Variants in PTPRN2 observed in about 807,000 individuals in gnomAD.
The protein encoded by PTPRN2 is protein tyrosine phosphatase receptor type N2.
A neutral mutation model predicts 118.8 loss-of-function variants in PTPRN2; 74 were observed. The observed-to-expected ratio is 0.62, with a 90% CI of 0.52 to 0.76. The LOEUF is 0.76. PTPRN2 is among the 30% of genes least tolerant of loss of function. PTPRN2 has a pLI of 0.00. For synonymous variants in PTPRN2, 641 were observed against 608.0 expected, an observed-to-expected ratio of 1.05 and a Z score of -0.80; for missense variants, 1,481 against 1,394.4, an observed-to-expected ratio of 1.06 and a Z score of -0.99.
At chr7:158,293,120 C>T (rs761069727) in intron 3 of PTPRN2, among the ~76,000 whole-genome samples, 1 of 151,966 alleles carries the variant, frequency 6.6e-6, no homozygotes, top group Non-Finnish European at 1.5e-5. Flanking sequence ...ATGAATGGAG[C>T]CTGCAGGACT....
rs1210366215 is a variant in PTPRN2, at chr7:157,987,518, G to A, written c.1724-88781C>T. 6.6e-6 allele frequency among the ~76,000 whole-genome samples: 1 copy of A among 152,132 alleles called. No individual in the cohort carries two copies. The highest frequency in any genetic ancestry group is 1.5e-5 in the Non-Finnish European group (1 of 68,026). On this transcript the variant is annotated intron_variant, in intron 11 of 22. Coordinates refer to ENST00000389418, the MANE Select transcript of PTPRN2 (RefSeq NM_002847.5). This position sits in a 1 kb window ranked among gnomAD's most constrained non-coding sequence, Gnocchi z 4.3. Reference sequence around the variant, plus strand: ...CTGTCAGTCATTATCTCTTGCATAAGAGACTTCCCAGGGGCAGAGCAGACC... The same window carrying A: ...CTGTCAGTCATTATCTCTTGCATAAAAGACTTCCCAGGGGCAGAGCAGACC...
intron 6 of PTPRN2, among the ~76,000 whole-genome samples, chr7:158,149,861 G>T (rs1343756984): frequency 6.6e-6 from 1 of 150,880 alleles, no homozygotes. Flanking sequence ...AAAAATTACT[G>T]TGGAATTTTT....
Position 158,174,707 on chromosome 7 carries a change from G to C in PTPRN2, c.550-7416C>G, listed in dbSNP as rs567034308. 2.6e-5 allele frequency among the ~76,000 whole-genome samples: 4 copies of C among 152,326 alleles called. No individual in the cohort carries two copies. In the South Asian group the frequency reaches 8.3e-4, roughly 32 times the overall value. On this transcript the variant is annotated intron_variant, in intron 5 of 22. Transcript: ENST00000389418. ...TAGACATTAACAACCGTAATTGAAA[G>C]AATGCTATTAGAAAGGGTCAGAAAA...
chr7:157,724,345 T>G (rs2150921822), intron 12 of PTPRN2, among the ~76,000 whole-genome samples: 1 of 152,374 alleles, frequency 6.6e-6, no homozygotes, highest in South Asian at 2.1e-4. Context: ...AACATAAAAC[T>G]TCTATAATCA....
At chr7:157,564,502 G>A (rs1234763602) in intron 21 of PTPRN2, among the ~76,000 whole-genome samples, 1 of 152,238 alleles carries the variant, frequency 6.6e-6, no homozygotes, top group African/African-American at 2.4e-5. Flanking sequence ...AAACCCCGAT[G>A]TAATGGGAGA....
At chr7:158,402,144 G>A (rs993930499) in intron 2 of PTPRN2, among the ~76,000 whole-genome samples, 2 of 152,112 alleles carry the variant, frequency 1.3e-5, no homozygotes, top group African/African-American at 4.8e-5. Context: ...CTGGGAAAAG[G>A]GAGAACCCCG....
intron 22 of PTPRN2, among the ~76,000 whole-genome samples, chr7:157,546,348 A>G (rs1206428259): frequency 1.3e-5 from 2 of 152,220 alleles, no homozygotes; most frequent in African/African-American, 4.8e-5. Flanking sequence ...AACGTATGCC[A>G]TGGTGGTTTG....
chr7:157,941,474 C>T (rs1800121637), intron 11 of PTPRN2, among the ~76,000 whole-genome samples: 1 of 146,234 alleles, frequency 6.8e-6, no homozygotes, highest in African/African-American at 2.6e-5. Context: ...AATATAACCC[C>T]CTCCCCCCTC....
chr7:158,132,548 G>A (rs982033103), intron 9 of PTPRN2, among the ~76,000 whole-genome samples: 2 of 139,128 alleles, frequency 1.4e-5, no homozygotes, highest in African/African-American at 5.5e-5. Context: ...ACACACACAT[G>A]CATACACAGA....
intron 2 of PTPRN2, among the ~76,000 whole-genome samples, chr7:158,475,813 C>T (rs994914951): frequency 6.6e-5 from 10 of 152,206 alleles, no homozygotes; most frequent in African/African-American, 2.2e-4. Flanking sequence ...GTCCAGTCTA[C>T]ATAAGCATCA....
intron 2 of PTPRN2, among the ~76,000 whole-genome samples, chr7:158,328,556 C>T (rs1229567366): frequency 1.3e-5 from 2 of 152,164 alleles, no homozygotes; most frequent in East Asian, 1.9e-4. Context: ...GCCCCACGTC[C>T]GGGCAGCACC....
At chr7:158,298,851 C>T (rs1221768441) in intron 3 of PTPRN2, among the ~76,000 whole-genome samples, 2 of 152,180 alleles carry the variant, frequency 1.3e-5, no homozygotes, top group Admixed American at 1.3e-4. Context: ...ACAGCACAGC[C>T]CAGACCCAGG....
chr7:157,809,443 G>A (rs73508121), intron 12 of PTPRN2, among the ~76,000 whole-genome samples: 2,788 of 152,016 alleles, frequency 0.018, 57 homozygotes, highest in African/African-American at 0.061. Context: ...CGTAGGCCCA[G>A]GGTTGGATGA....
intron 12 of PTPRN2, among the ~76,000 whole-genome samples, chr7:157,768,539 C>T (rs984557385): frequency 3.3e-5 from 5 of 152,158 alleles, no homozygotes; most frequent in Admixed American, 2.0e-4. Flanking sequence ...ATGGGGATGA[C>T]GTGAGGCTCC....
At chr7:158,255,124 G>T (rs1393029626) in intron 3 of PTPRN2, among the ~76,000 whole-genome samples, 1 of 152,196 alleles carries the variant, frequency 6.6e-6, no homozygotes, top group Non-Finnish European at 1.5e-5. Context: ...CTCCCTCGCA[G>T]AAGCCCCTGC....
chr7:158,114,365 T>C (rs76346264), intron 9 of PTPRN2, among the ~76,000 whole-genome samples: 1 of 152,208 alleles, frequency 6.6e-6, no homozygotes, highest in East Asian at 1.9e-4. Flanking sequence ...TGTTCAGGCA[T>C]CTGCTTTGGG....
At chr7:157,685,575 C>G (rs1797146087) in intron 12 of PTPRN2, among the ~76,000 whole-genome samples, 1 of 151,768 alleles carries the variant, frequency 6.6e-6, no homozygotes, top group Non-Finnish European at 1.5e-5. Flanking sequence ...AGGAGGAGGC[C>G]TGGTCTGCGG....
At chr7:158,420,002 A>G (rs927658525) in intron 2 of PTPRN2, among the ~76,000 whole-genome samples, 1 of 152,012 alleles carries the variant, frequency 6.6e-6, no homozygotes, top group South Asian at 2.1e-4. Context: ...AAACTCTGTC[A>G]TGTTGGCCAC....
intron 3 of PTPRN2, among the ~76,000 whole-genome samples, chr7:158,272,877 A>G (rs952344263): frequency 6.6e-6 from 1 of 152,202 alleles, no homozygotes; most frequent in Admixed American, 6.5e-5. Flanking sequence ...AGGAAGCTAC[A>G]GTCAATAGCT....
Sources: allele counts gnomAD v4.1 joint callset (sites outside exome capture counted in the v4.1 genomes callset), GRCh38; gene constraint gnomAD v4.1.1; non-coding constraint Gnocchi (gnomAD v3.1); transcripts MANE v1.5; gene names NCBI Gene and HGNC (gene_info 2026-07-23, HGNC 2026-07-21).